The following EIF2AK2 variants were observed in gnomAD, a reference collection of about 807,000 sequenced individuals.
EIF2AK2 encodes the protein eukaryotic translation initiation factor 2 alpha kinase 2.
In EIF2AK2, 40 loss-of-function variants were observed where a neutral mutation model predicts 70.5. The observed-to-expected ratio is 0.57, with a 90% CI of 0.44 to 0.74. The LOEUF is 0.74. Ranked by LOEUF, EIF2AK2 falls within the 30% of genes least tolerant of loss-of-function variation. EIF2AK2 has a pLI of 0.00. For missense variants in EIF2AK2, 555 were observed against 644.3 expected, an observed-to-expected ratio of 0.86 and a Z score of 1.50; for synonymous variants, 198 against 220.9, an observed-to-expected ratio of 0.90 and a Z score of 0.92.
intron 6 of EIF2AK2, among the ~76,000 whole-genome samples, chr2:37,138,814 C>A (rs573131083): frequency 6.6e-6 from 1 of 152,064 alleles, no homozygotes; most frequent in South Asian, 2.1e-4. Flanking sequence ...TCTTTCTTTT[C>A]AGACAGGATC....
At chr2:37,143,892 G>GACA (rs201353884) in intron 4 of EIF2AK2, among the ~76,000 whole-genome samples, 3 of 151,686 alleles carry the variant, frequency 2.0e-5, no homozygotes, top group African/African-American at 4.8e-5. Flanking sequence ...CTCAAAAAAC[G>GACA]ACAACAACAA....
At chr2:37,113,732 G>A (rs1354138789) in intron 14 of EIF2AK2, among the ~76,000 whole-genome samples, 6 of 151,346 alleles carry the variant, frequency 4.0e-5, no homozygotes, top group Admixed American at 4.0e-4. Context: ...ATGAAAAGAG[G>A]GCATACCTTA....
chr2:37,148,261 C>T (rs1447417183), intron 2 of EIF2AK2, among the ~76,000 whole-genome samples: 1 of 152,178 alleles, frequency 6.6e-6, no homozygotes, highest in Non-Finnish European at 1.5e-5. Context: ...GTATCAACTA[C>T]ATGTTTGCCT....
Position 37,109,256 on chromosome 2 carries a change from C to T in EIF2AK2, c.1417G>A (p.Ala473Thr), listed in dbSNP as rs747429747. Reference protein sequence around the residue: ...QDYGKEVDLYALGLILAELLH... With the variant: ...QDYGKEVDLYTLGLILAELLH... ...AGTTCAGCAAGAATTAGCCCCAAAGCGTAGAGGTCCACTTCCTTTCCATAG... is the reference window on the plus strand; with the variant it reads ...AGTTCAGCAAGAATTAGCCCCAAAGTGTAGAGGTCCACTTCCTTTCCATAG... Residue 473 changes from alanine (A) to threonine (T), a missense_variant, in exon 15 of 17, where the codon GCT becomes ACT. Physicochemically the swap from Ala to Thr is moderately conservative, Grantham distance 58. Coordinates refer to ENST00000233057, the MANE Select transcript of EIF2AK2 (RefSeq NM_001135651.3). 22 of 1,613,980 alleles carry T rather than the reference C, an allele frequency of 1.4e-5. No homozygotes were observed. Among genetic ancestry groups the T allele is most frequent in the Middle Eastern group, 1.6e-4 (1 of 6,084 alleles).
intron 4 of EIF2AK2, among the ~76,000 whole-genome samples, chr2:37,143,342 A>G (rs1267128493): frequency 1.3e-5 from 2 of 152,114 alleles, no homozygotes; most frequent in Non-Finnish European, 2.9e-5. Flanking sequence ...TGTCTGCTGA[A>G]ATCTCTTCAG....
At chr2:37,143,750 G>A (rs181315350) in intron 4 of EIF2AK2, among the ~76,000 whole-genome samples, 18 of 152,070 alleles carry the variant, frequency 1.2e-4, no homozygotes, top group Admixed American at 1.2e-3. Context: ...CAGGTGTGGT[G>A]GCTCGTGCCT....
At position 37,107,519 on chromosome 2, in the gene EIF2AK2, T is replaced by C. The variant is rs905504900; in HGVS notation, c.1488A>G (p.Thr496=). 32 of 1,610,416 alleles carry C rather than the reference T, an allele frequency of 2.0e-5. No individual in the cohort carries two copies. Among genetic ancestry groups the C allele is most frequent in the Non-Finnish European group, 2.7e-5 (32 of 1,179,242 alleles). ...CTGAGATGATGCCATCCCGTAGGTC[T>C]GTGAAAAACTGGAAAAAAAAATGAT... is the stretch of plus-strand genomic sequence containing the variant. The part of the protein sequence containing the change: ...DTAFETSKFF[T]DLRDGIISDI... Residue 496 remains threonine (T), a synonymous_variant, in exon 16 of 17, where the codon ACA becomes ACG. Transcript: ENST00000233057.
intron 10 of EIF2AK2, among the ~76,000 whole-genome samples, chr2:37,130,767 G>A (rs1674912553): frequency 6.6e-6 from 1 of 152,150 alleles, no homozygotes; most frequent in African/African-American, 2.4e-5. Flanking sequence ...CACTTTGATT[G>A]GACCTTTCCC....
At chr2:37,133,516 C>A (rs1036131678) in intron 10 of EIF2AK2, among the ~76,000 whole-genome samples, 1 of 152,126 alleles carries the variant, frequency 6.6e-6, no homozygotes, top group African/African-American at 2.4e-5. Context: ...CTTACCAGAT[C>A]TTCCTCACTA....
At chr2:37,109,069 T>C in intron 15 of EIF2AK2, 125 bp downstream of exon 15, 2 of 753,510 alleles carry the variant, frequency 2.7e-6, no homozygotes, top group Non-Finnish European at 4.2e-6. Flanking sequence ...CATATTTCAT[T>C]TGCAGTCAGA....
rs745872898 is a variant in EIF2AK2 at position 37,139,770 on chromosome 2, A to G, written c.390-13T>C. The G allele has an allele frequency of 1.9e-6, 3 of 1,605,032 alleles. No homozygotes were observed. In the African/African-American group the frequency reaches 4.0e-5, roughly 22 times the overall value. On this transcript the variant is annotated splice_polypyrimidine_tract_variant and intron_variant, in intron 5 of 16. Coordinates refer to ENST00000233057, the MANE Select transcript of EIF2AK2 (RefSeq NM_001135651.3). ...TTTATAATGAAATCTAGGAGAAATC[A>G]TAGAAGGTACTTATCCAAACATGAA...
intron 10 of EIF2AK2, among the ~76,000 whole-genome samples, chr2:37,133,442 T>C (rs556093361): frequency 4.6e-5 from 7 of 152,156 alleles, no homozygotes; most frequent in African/African-American, 1.4e-4. Context: ...GTCAGGAAAC[T>C]GGGTTCTGGT....
chr2:37,144,033 T>G (rs1675435527), intron 4 of EIF2AK2, among the ~76,000 whole-genome samples: 1 of 152,222 alleles, frequency 6.6e-6, no homozygotes, highest in African/African-American at 2.4e-5. Flanking sequence ...TATATGACAG[T>G]GGTCCCATAA....
In EIF2AK2 at chr2:37,106,320, A is replaced by C. The variant is rs901592933; in HGVS notation, c.*953T>G. Reference sequence around the variant, plus strand: ...GAGAGTTGTATTGTGTTACGTTATTACATTTAGCTGTACTTCAATTGTTTT... The same window carrying C: ...GAGAGTTGTATTGTGTTACGTTATTCCATTTAGCTGTACTTCAATTGTTTT... On this transcript the variant is annotated 3_prime_UTR_variant, in exon 17 of 17. Coordinates refer to ENST00000233057, the MANE Select transcript of EIF2AK2 (RefSeq NM_001135651.3). 4 of 152,208 alleles carry C rather than the reference A, an allele frequency of 2.6e-5. No individual in the cohort carries two copies. Among genetic ancestry groups the C allele is most frequent in the African/African-American group, 9.6e-5 (4 of 41,454 alleles). 9.4% of individuals were successfully genotyped at this position (152,208 alleles called of 1,614,324 possible). A position where few individuals can be genotyped will look rare whatever the true frequency, so the allele number is the denominator to read the frequency against.
chr2:37,151,600 A>T (rs1474917780), intron 1 of EIF2AK2, among the ~76,000 whole-genome samples: 3 of 152,230 alleles, frequency 2.0e-5, no homozygotes, highest in African/African-American at 7.2e-5. Flanking sequence ...ATTTCAAAGA[A>T]TTGGAAAACA....
intron 4 of EIF2AK2, among the ~76,000 whole-genome samples, chr2:37,145,014 A>G (rs984835223): frequency 6.6e-6 from 1 of 152,040 alleles, no homozygotes; most frequent in African/African-American, 2.4e-5. Flanking sequence ...ATTTTTTACA[A>G]CAAAGTTTAA....
Position 37,116,628 on chromosome 2 carries a change from A to G in EIF2AK2, c.1249-1769T>C, listed in dbSNP as rs116285413. On this transcript the variant is annotated intron_variant, in intron 13 of 16. Coordinates refer to ENST00000233057, the MANE Select transcript of EIF2AK2 (RefSeq NM_001135651.3). Reference sequence around the variant, plus strand: ...TGAGATGACGGCTCATACAGCAATTAGCAGTTGGATTAGAATTCAATTAAC... The same window carrying G: ...TGAGATGACGGCTCATACAGCAATTGGCAGTTGGATTAGAATTCAATTAAC... Among the ~76,000 whole-genome samples the G allele has an allele frequency of 5.4e-3, 821 of 152,288 alleles. 5 individuals are homozygous for G. Among genetic ancestry groups the G allele is most frequent in the Non-Finnish European group, 9.5e-3 (643 of 68,024 alleles).
chr2:37,140,793 C>G (rs1675302163), intron 5 of EIF2AK2, among the ~76,000 whole-genome samples: 1 of 152,188 alleles, frequency 6.6e-6, no homozygotes, highest in African/African-American at 2.4e-5. Context: ...GGCTCAAAAG[C>G]CATGACTGTA....
chr2:37,122,395 G>A (rs1218238091), intron 12 of EIF2AK2, 111 bp downstream of exon 12: 11 of 1,174,702 alleles, frequency 9.4e-6, no homozygotes, highest in Non-Finnish European at 1.2e-5. Context: ...CTCTCAGAGG[G>A]AATTGTGATA....
Sources: gnomAD v4.1 joint callset for allele counts (sites outside exome capture counted in the v4.1 genomes callset) on GRCh38, gnomAD v4.1.1 for gene constraint, MANE v1.5 for transcripts, NCBI Gene and HGNC (gene_info 2026-07-23, HGNC 2026-07-21) for gene names.